The following ZNF219 variants were observed in gnomAD, a reference collection of about 807,000 sequenced individuals.
The protein encoded by ZNF219 is zinc finger protein 219.
Under a neutral mutation model 54.4 loss-of-function variants are expected in ZNF219, and 17 were observed. The observed-to-expected ratio is 0.31, with a 90% CI of 0.21 to 0.47. The LOEUF is 0.47. Among genes scored for constraint, ZNF219 ranks in the 20% least tolerant of loss-of-function variants. The pLI, the probability that ZNF219 is intolerant of heterozygous loss-of-function variation, is 1.00. For synonymous variants in ZNF219, 518 were observed against 476.4 expected, an observed-to-expected ratio of 1.09 and a Z score of -1.14; for missense variants, 1,014 against 1,062.3, an observed-to-expected ratio of 0.95 and a Z score of 0.63.
At position 21,090,851 on chromosome 14, in the gene ZNF219, G is replaced by T. The variant is rs1487947388; in HGVS notation, c.1854C>A (p.Asn618Lys). The T allele has an allele frequency of 6.4e-7, 1 of 1,554,592 alleles. No individual in the cohort carries two copies. The highest frequency in any genetic ancestry group is 8.7e-7 in the Non-Finnish European group (1 of 1,150,436). Residue 618 changes from asparagine (N) to lysine (K), a missense_variant, in exon 5 of 5, where the codon AAC becomes AAA. Coordinates refer to ENST00000360947, the MANE Select transcript of ZNF219 (RefSeq NM_016423.3). This position sits in a 1 kb window ranked among gnomAD's most constrained non-coding sequence, Gnocchi z 4.4. Reference sequence around the variant, plus strand: ...GGGGTTCGGCCTCACCGCCTCGCCCGTTGCGCAGGGTCCTCCCAGGGCTGG... The same window carrying T: ...GGGGTTCGGCCTCACCGCCTCGCCCTTTGCGCAGGGTCCTCCCAGGGCTGG... Reference protein sequence around the residue: ...KPASPGRTLRNGRGGEAEPLD... With the variant: ...KPASPGRTLRKGRGGEAEPLD...
At chr14:21,103,731 C>G (rs549304144), upstream of ZNF219, 18 of 157,090 alleles carry the variant, frequency 1.1e-4, no homozygotes, top group South Asian at 2.9e-3. Context: ...GGTAGGGGCG[C>G]TGTTGGATGT....
Position 21,098,454 on chromosome 14 carries a change from G to A in ZNF219, c.-226C>T. On this transcript the variant is annotated 5_prime_UTR_variant, in exon 1 of 5. Coordinates refer to ENST00000360947, the MANE Select transcript of ZNF219 (RefSeq NM_016423.3). ...CCCCCCCGCCCCCGGCCCGGCCCCC[G>A]CCCCCTCCCCGGTCCCCCGCCCCCG... is the stretch of plus-strand genomic sequence containing the variant. The A allele has an allele frequency of 1.2e-6, 1 of 807,662 alleles. No homozygotes were observed. The highest frequency in any genetic ancestry group is 1.5e-6 in the Non-Finnish European group (1 of 670,606). The allele number at this position is 807,662 out of a possible 1,614,324, so 50.0% of individuals were successfully genotyped here.
Position 21,092,875 on chromosome 14 carries a change from C to G in ZNF219, c.422G>C (p.Gly141Ala). Residue 141 changes from glycine (G) to alanine (A), a missense_variant, in exon 3 of 5, where the codon GGG becomes GCG. This residue lies in a region of ZNF219 where 395 missense variants were observed against 415.1 expected (regional missense o/e 0.95). Coordinates refer to ENST00000360947, the MANE Select transcript of ZNF219 (RefSeq NM_016423.3). ...AGTGGCAGGGGTGGCCTGCATGCCC[C>G]CTGAGCTTCGGGCTCTCCCCAGTCG... ...EARLGRARSS[G>A]GMQATPATEG... 6.5e-7 allele frequency: 1 copy of G among 1,548,114 alleles called. No individual in the cohort carries two copies.
intron 1 of ZNF219, among the ~76,000 whole-genome samples, chr14:21,097,645 G>A (rs1230900310): frequency 1.3e-5 from 2 of 152,112 alleles, no homozygotes; most frequent in Non-Finnish European, 2.9e-5. Flanking sequence ...CCCTCCCCAG[G>A]AAGATAAGCC....
upstream of ZNF219, chr14:21,103,199 G>A (rs1285476088): frequency 6.4e-7 from 1 of 1,551,580 alleles, no homozygotes; most frequent in East Asian, 2.4e-5. Flanking sequence ...GGCCAGCACA[G>A]GAGCAAATGA....
intron 4 of ZNF219, 89 bp downstream of exon 4, chr14:21,091,322 G>C: frequency 6.5e-7 from 1 of 1,531,048 alleles, no homozygotes; most frequent in Non-Finnish European, 8.8e-7. Flanking sequence ...GAAGGCTTCG[G>C]AACAAACTTC....
intron 4 of ZNF219, 90 bp from the exon 5 acceptor site, chr14:21,091,230 G>T (rs1455073700): frequency 6.6e-7 from 1 of 1,520,100 alleles, no homozygotes; most frequent in East Asian, 2.3e-5. Flanking sequence ...CTCATTCTCA[G>T]AACCAAGAAA....
rs1222864247 is a variant in ZNF219 at position 21,092,956 on chromosome 14, C to G, written c.341G>C (p.Ser114Thr). ...CTCCAGCAACAGGCGTGCAGCAGGA[C>G]TACGTGGGCGCTCGGGCTGGTGTGT... ...LRTHQPERPR[S>T]PAARLLLELE... Residue 114 changes from serine to threonine, a missense_variant, in exon 3 of 5, where the codon AGT (serine) becomes ACT (threonine). Coordinates refer to ENST00000360947, the MANE Select transcript of ZNF219 (RefSeq NM_016423.3). 1.3e-6 allele frequency: 2 copies of G among 1,586,150 alleles called. No individual in the cohort carries two copies. Among genetic ancestry groups the G allele is most frequent in the Non-Finnish European group, 1.7e-6 (2 of 1,168,394 alleles).
At chr14:21,098,681 G>A, upstream of ZNF219, 1 of 888,536 alleles carries the variant, frequency 1.1e-6, no homozygotes, top group Non-Finnish European at 1.4e-6. Flanking sequence ...AGGGAGGGAG[G>A]AAGGGAGGGA....
rs1451028134 is a variant in ZNF219 at position 21,092,135 on chromosome 14, C to T, written c.1162G>A (p.Glu388Lys). 8.0e-6 allele frequency: 12 copies of T among 1,498,610 alleles called. No homozygotes were observed. Among genetic ancestry groups the T allele is most frequent in the African/African-American group, 7.1e-5 (5 of 70,102 alleles). The allele number at this position is 1,498,610 out of a possible 1,614,324, so 92.8% of individuals were successfully genotyped here. A position where few individuals can be genotyped will look rare whatever the true frequency, so the allele number is the denominator to read the frequency against. Residue 388 changes from glutamate (E) to lysine (K), a missense_variant, in exon 3 of 5, where the codon GAG (glutamate) becomes AAG (lysine). Glu to Lys is a moderately conservative substitution (Grantham distance 56, BLOSUM62 1). This residue lies in a region of ZNF219 where 272 missense variants were observed against 248.9 expected (regional missense o/e 1.09). Coordinates refer to ENST00000360947, the MANE Select transcript of ZNF219 (RefSeq NM_016423.3). ...GCACCCTCGCCGTTGGGCCGGCCCT[C>T]GCCAGCTCGCAGGCTCAGGTAGCCC... ...LLGYLSLRAG[E>K]GRPNGEGAEP...
At position 21,092,745 on chromosome 14, in the gene ZNF219, G is replaced by A. The variant is rs1402311430; in HGVS notation, c.552C>T (p.Ile184=). The change falls in exon 3 of 5, where the codon ATC becomes ATT. Residue 184 remains isoleucine (I), a synonymous_variant. Transcript: ENST00000360947. ...GGCCGCACTTCCAGGGCCTATGCAG[G>A]ATGTGCAGGTGGCGTTCGCGCTCCG... is the stretch of plus-strand genomic sequence containing the variant. The part of the protein sequence containing the change: ...TSAERERHLH[I]LHRPWKCGLC... 2 of 1,587,400 alleles carry A rather than the reference G, an allele frequency of 1.3e-6. No individual in the cohort carries two copies. Among genetic ancestry groups the A allele is most frequent in the South Asian group, 1.1e-5 (1 of 88,156 alleles).
At position 21,090,222 on chromosome 14, in the gene ZNF219, A is replaced by G. The variant is rs1431691834; in HGVS notation, c.*314T>C. ...CCACCCTCACCCCTTGTACAAAAAT[A>G]AACTCTCACGCCTATGGACCAGCAA... On this transcript the variant is annotated 3_prime_UTR_variant, in exon 5 of 5. Transcript: ENST00000360947. This position sits in a 1 kb window ranked among gnomAD's most constrained non-coding sequence, Gnocchi z 4.4. 1 of 609,522 alleles carries G rather than the reference A, an allele frequency of 1.6e-6. No homozygotes were observed. The highest frequency in any genetic ancestry group is 3.1e-6 in the Non-Finnish European group (1 of 324,742). The allele number at this position is 609,522 out of a possible 1,614,324, so 37.8% of individuals were successfully genotyped here. A position where few individuals can be genotyped will look rare whatever the true frequency, so the allele number is the denominator to read the frequency against.
chr14:21,103,477 C>T (rs1889781027), upstream of ZNF219: 2 of 653,796 alleles, frequency 3.1e-6, no homozygotes, highest in South Asian at 2.1e-5. Context: ...TCCATATCCT[C>T]TCTTCCTGTC....
chr14:21,096,005 G>T (rs1295640425), intron 1 of ZNF219, among the ~76,000 whole-genome samples: 3 of 121,384 alleles, frequency 2.5e-5, no homozygotes, highest in African/African-American at 9.2e-5. Flanking sequence ...AGCCAATCTG[G>T]TATATTCAGA....
chr14:21,093,813 G>A (rs1295005549), intron 1 of ZNF219, 139 bp from the exon 2 acceptor site: 2 of 739,196 alleles, frequency 2.7e-6, no homozygotes, highest in Non-Finnish European at 4.5e-6. Context: ...GGCACGAAGG[G>A]GCTGCTATAC....
At chr14:21,093,525 A>G (rs1190455327) in intron 2 of ZNF219, 61 bp downstream of exon 2, 14 of 1,567,162 alleles carry the variant, frequency 8.9e-6, no homozygotes, top group Non-Finnish European at 1.2e-5. Flanking sequence ...AGAGAGAGGT[A>G]GGCAGGAGAG....
rs543425040 is a variant in ZNF219, at chr14:21,091,555, C to T, written c.1433-13G>A. ...AGCCCATTCTCTTCTGCAACACATA[C>T]GTTAAGAGGAAGTCAGGGGGGCCCA... On this transcript the variant is annotated splice_polypyrimidine_tract_variant and intron_variant, in intron 3 of 4. Coordinates refer to ENST00000360947, the MANE Select transcript of ZNF219 (RefSeq NM_016423.3). 1,697 of 1,588,198 alleles carry T rather than the reference C, an allele frequency of 1.1e-3. 22 individuals are homozygous for T. The South Asian group carries it at 0.017, about 16-fold the overall frequency.
rs886693751 is a variant in ZNF219, at chr14:21,090,820, G to A, written c.1885C>T (p.Leu629=). ...GRGGEAEPLD[L]SLRAGPGGEA... is the part of the protein sequence containing the mutation. ...CCTCCCGGCCCTGCCCGCAAGGACAGGTCCAGGGGTTCGGCCTCACCGCCT... is the reference window on the plus strand; with the variant it reads ...CCTCCCGGCCCTGCCCGCAAGGACAAGTCCAGGGGTTCGGCCTCACCGCCT... The change falls in exon 5 of 5, where the codon CTG becomes TTG. Residue 629 remains leucine (L), a synonymous_variant. Transcript: ENST00000360947. This position sits in a 1 kb window ranked among gnomAD's most constrained non-coding sequence, Gnocchi z 4.4. 51 of 1,565,322 alleles carry A rather than the reference G, an allele frequency of 3.3e-5. No homozygotes were observed. Among genetic ancestry groups the A allele is most frequent in the Non-Finnish European group, 4.2e-5 (48 of 1,155,626 alleles).
Position 21,092,600 on chromosome 14 carries a change from G to C in ZNF219, c.697C>G (p.Gln233Glu). 1 of 1,485,774 alleles carries C rather than the reference G, an allele frequency of 6.7e-7. No individual in the cohort carries two copies. The highest frequency in any genetic ancestry group is 8.9e-7 in the Non-Finnish European group (1 of 1,122,012). 92.0% of individuals were successfully genotyped at this position (1,485,774 alleles called of 1,614,324 possible). ...CTGGGTTCGGGCTGGGGTGGAGGCT[G>C]AGGCTGAGGCTGAGGCGGAGGCGCA... ...SAAPPPQPQPQPPPQPEPRSV... is the reference protein window; with the variant it reads ...SAAPPPQPQPEPPPQPEPRSV... The change falls in exon 3 of 5, where the codon CAG becomes GAG. Residue 233 changes from glutamine to glutamate, a missense_variant. By Grantham distance (29) the Gln-to-Glu change is conservative. Around this residue, in one of 5 missense-constraint regions of ZNF219, gnomAD observed 395 missense variants for 415.1 expected, o/e 0.95. Transcript: ENST00000360947.
Sources: allele counts gnomAD v4.1 joint callset (sites outside exome capture counted in the v4.1 genomes callset), GRCh38; gene constraint gnomAD v4.1.1; regional missense constraint gnomAD v4.1.1; non-coding constraint Gnocchi (gnomAD v3.1); transcripts MANE v1.5; gene names NCBI Gene and HGNC (gene_info 2026-07-23, HGNC 2026-07-21).